ASB4: variants seen among roughly 807,000 people sequenced by gnomAD.
The protein encoded by ASB4 is ankyrin repeat and SOCS box containing 4.
A neutral mutation model predicts 38.6 loss-of-function variants in ASB4; 35 were observed. That is an observed-to-expected ratio of 0.91 (90% CI 0.69 to 1.20). The LOEUF is 1.20. ASB4 is among the 50% of genes most tolerant of loss of function. The probability of loss-of-function intolerance (pLI) is 0.00; values close to 1 mark genes in which losing one functional copy is unlikely to be tolerated. For synonymous variants in ASB4, 195 were observed against 201.3 expected, an observed-to-expected ratio of 0.97 and a Z score of 0.26; for missense variants, 557 against 527.2, an observed-to-expected ratio of 1.06 and a Z score of -0.55.
Position 95,539,803 on chromosome 7 carries a change from G to A in ASB4, c.*2044G>A, listed in dbSNP as rs1790945490. 1 of 152,104 alleles carries A rather than the reference G, an allele frequency of 6.6e-6. No homozygotes were observed. Among genetic ancestry groups the A allele is most frequent in the African/African-American group, 2.4e-5 (1 of 41,410 alleles). The allele number at this position is 152,104 out of a possible 1,614,324, so 9.4% of individuals were successfully genotyped here. ...GTACAGTGTACACTGCTCCAGTGAT[G>A]GGTGCACTAAAATCTCAAAATTCAC... On this transcript the variant is annotated 3_prime_UTR_variant, in exon 5 of 5. Coordinates refer to ENST00000325885, the MANE Select transcript of ASB4 (RefSeq NM_016116.3).
chr7:95,514,821 T>A (rs1165319512), intron 2 of ASB4, among the ~76,000 whole-genome samples: 3 of 152,164 alleles, frequency 2.0e-5, no homozygotes, highest in Non-Finnish European at 4.4e-5. Flanking sequence ...TGTGAAGTCT[T>A]TTGCTTAATT....
At chr7:95,501,120 A>C (rs545482940) in intron 2 of ASB4, among the ~76,000 whole-genome samples, 1 of 152,182 alleles carries the variant, frequency 6.6e-6, no homozygotes, top group Admixed American at 6.5e-5. Flanking sequence ...TTAATCATTA[A>C]CTTTCTAATT....
intron 1 of ASB4, among the ~76,000 whole-genome samples, chr7:95,494,465 C>A (rs1283569280): frequency 6.6e-6 from 1 of 152,130 alleles, no homozygotes; most frequent in Non-Finnish European, 1.5e-5. Context: ...AAATAAATGA[C>A]CATTAAATCA....
At chr7:95,479,416 T>A (rs556136947) in intron 1 of ASB4, among the ~76,000 whole-genome samples, 192 of 152,340 alleles carry the variant, frequency 1.3e-3, no homozygotes, top group African/African-American at 4.5e-3. Context: ...ATTATTCTTA[T>A]GAAATAGTAT....
chr7:95,541,777 G>C (rs1203730040), downstream of ASB4, among the ~76,000 whole-genome samples: 5 of 152,212 alleles, frequency 3.3e-5, no homozygotes, highest in Non-Finnish European at 7.3e-5. Context: ...GGGGGAAAGA[G>C]AAGGAGGAGA....
At chr7:95,537,322 G>T (rs1015911533) in intron 4 of ASB4, among the ~76,000 whole-genome samples, 1 of 152,120 alleles carries the variant, frequency 6.6e-6, no homozygotes, top group African/African-American at 2.4e-5. Context: ...ATTCATCCAG[G>T]CACTTCACAC....
chr7:95,511,984 C>T (rs1790489080), intron 2 of ASB4, among the ~76,000 whole-genome samples: 1 of 152,202 alleles, frequency 6.6e-6, no homozygotes, highest in Non-Finnish European at 1.5e-5. Context: ...CTGTGGATCT[C>T]ATCTCCACTG....
intron 1 of ASB4, among the ~76,000 whole-genome samples, chr7:95,487,640 G>A (rs1379835489): frequency 1.3e-5 from 2 of 152,012 alleles, no homozygotes; most frequent in African/African-American, 4.8e-5. Flanking sequence ...TACTTCCACC[G>A]GTGTCATCTT....
chr7:95,524,521 T>C (rs1433221248), intron 2 of ASB4, among the ~76,000 whole-genome samples: 2 of 152,046 alleles, frequency 1.3e-5, no homozygotes, highest in Non-Finnish European at 2.9e-5. Flanking sequence ...ACATATATAT[T>C]TTATATACTA....
intron 2 of ASB4, 24 bp downstream of exon 2, chr7:95,496,081 A>T: frequency 6.3e-7 from 1 of 1,596,944 alleles, no homozygotes; most frequent in Non-Finnish European, 8.6e-7. Flanking sequence ...GGTGGCCAAC[A>T]TTGTTGTCTG....
intron 2 of ASB4, among the ~76,000 whole-genome samples, chr7:95,515,145 TTTTCTTTCTTTCTTTCTCTTTCTCTTTC>T (rs1790536600): frequency 3.7e-5 from 3 of 80,942 alleles, no homozygotes; most frequent in African/African-American, 1.6e-4. Flanking sequence ...AAGCAATTGT[TTTTCTTTCTTTCTTTCTCTTTCTCTTTC>T]TTTCTTTCTT....
intron 2 of ASB4, among the ~76,000 whole-genome samples, chr7:95,505,661 T>A (rs1039403999): frequency 2.7e-5 from 4 of 150,942 alleles, no homozygotes; most frequent in Non-Finnish European, 5.9e-5. Context: ...AAAATGAGGA[T>A]CTGGCTCCTT....
At chr7:95,515,177 C>CT (rs1355823570) in intron 2 of ASB4, among the ~76,000 whole-genome samples, 5 of 90,912 alleles carry the variant, frequency 5.5e-5, no homozygotes, top group Non-Finnish European at 1.2e-4. Flanking sequence ...CTCTTTCTTT[C>CT]TTTCTTTCTT....
the ASB4 span, among the ~76,000 whole-genome samples, chr7:95,546,642 G>C: frequency 1.1e-4 from 17 of 152,140 alleles, no homozygotes; most frequent in Admixed American, 1.1e-3. Flanking sequence ...ACAGTGTAAG[G>C]ACTGTTACTT....
chr7:95,549,600 A>T, the ASB4 span, among the ~76,000 whole-genome samples: 1 of 152,064 alleles, frequency 6.6e-6, no homozygotes, highest in Non-Finnish European at 1.5e-5. Context: ...CCCGGCCGAG[A>T]CTCCATTTTT....
intron 2 of ASB4, among the ~76,000 whole-genome samples, chr7:95,522,348 C>T (rs1036545103): frequency 6.6e-6 from 1 of 151,984 alleles, no homozygotes; most frequent in Non-Finnish European, 1.5e-5. Context: ...ATATAAAACA[C>T]CTCTATCAGT....
At chr7:95,491,334 G>A (rs548982339) in intron 1 of ASB4, among the ~76,000 whole-genome samples, 1 of 152,104 alleles carries the variant, frequency 6.6e-6, no homozygotes, top group African/African-American at 2.4e-5. Flanking sequence ...CTAGACATGG[G>A]GTAGCGTGTG....
At chr7:95,532,296 G>T (rs1042659079) in intron 3 of ASB4, among the ~76,000 whole-genome samples, 1 of 152,176 alleles carries the variant, frequency 6.6e-6, no homozygotes, top group African/African-American at 2.4e-5. Flanking sequence ...AAGCCAATTT[G>T]TAGAGGGTGT....
chr7:95,485,927 G>T, upstream of ASB4: 2 of 1,583,056 alleles, frequency 1.3e-6, no homozygotes, highest in South Asian at 1.1e-5. Flanking sequence ...GCTCGGTGCT[G>T]TTCTCTCGAT....
Sources: allele counts gnomAD v4.1 joint callset (sites outside exome capture counted in the v4.1 genomes callset), GRCh38; gene constraint gnomAD v4.1.1; transcripts MANE v1.5; gene names NCBI Gene and HGNC (gene_info 2026-07-23, HGNC 2026-07-21).